HPSE2: variants seen among roughly 807,000 people sequenced by gnomAD.
The protein encoded by HPSE2 is inactive heparanase-2.
HPSE2 carries 38 observed loss-of-function variants against 60.5 expected under a neutral mutation model. That is an observed-to-expected ratio of 0.63 (90% CI 0.48 to 0.82). The LOEUF is 0.82. Among genes scored for constraint, HPSE2 ranks in the 40% least tolerant of loss-of-function variants. HPSE2 has a pLI of 0.00. For synonymous variants in HPSE2, 295 were observed against 293.2 expected, an observed-to-expected ratio of 1.01 and a Z score of -0.06; for missense variants, 713 against 740.4, an observed-to-expected ratio of 0.96 and a Z score of 0.43.
Position 99,084,429 on chromosome 10 carries a change from G to A in HPSE2, c.610+59809C>T, listed in dbSNP as rs149882696. 4.7e-4 allele frequency among the ~76,000 whole-genome samples: 72 copies of A among 152,222 alleles called. 1 individual carries two copies. Among genetic ancestry groups the A allele is most frequent in the Middle Eastern group, 3.4e-3 (1 of 294 alleles). On this transcript the variant is annotated intron_variant, in intron 3 of 11. Coordinates refer to ENST00000370552, the MANE Select transcript of HPSE2 (RefSeq NM_021828.5). ...CCCTTTCACTGACAAATCACAAGGT[G>A]CACATTTGTTCCCAGGTAGGTCAAA...
At chr10:98,778,736 G>A (rs1281505287) in intron 3 of HPSE2, among the ~76,000 whole-genome samples, 1 of 152,140 alleles carries the variant, frequency 6.6e-6, no homozygotes, top group Non-Finnish European at 1.5e-5. Flanking sequence ...TCCTCAATGA[G>A]CCTCAGTTTG....
intron 9 of HPSE2, among the ~76,000 whole-genome samples, chr10:98,510,696 T>C (rs1239493640): frequency 2.0e-5 from 3 of 152,230 alleles, no homozygotes; most frequent in Non-Finnish European, 2.9e-5. Flanking sequence ...TAGCTAGTCC[T>C]TTCATTCTAC....
intron 9 of HPSE2, among the ~76,000 whole-genome samples, chr10:98,511,504 A>G (rs970682627): frequency 1.3e-5 from 2 of 151,808 alleles, no homozygotes; most frequent in African/African-American, 2.4e-5. Flanking sequence ...TCATGAAAAT[A>G]TTCCACTATG....
Position 98,525,888 on chromosome 10 carries a change from T to C in HPSE2, c.1321-35692A>G, listed in dbSNP as rs529471103. 1.1e-4 allele frequency among the ~76,000 whole-genome samples: 16 copies of C among 152,354 alleles called. No individual in the cohort carries two copies. In the South Asian group the frequency reaches 1.2e-3, roughly 12 times the overall value. On this transcript the variant is annotated intron_variant, in intron 9 of 11. Coordinates refer to ENST00000370552, the MANE Select transcript of HPSE2 (RefSeq NM_021828.5). ...ACCATGAATAATATTTGAACTTCAA[T>C]TTTTTGATGTAACACTCCAGTAACA...
chr10:99,197,233 G>T (rs139257480), intron 2 of HPSE2, among the ~76,000 whole-genome samples: 231 of 152,260 alleles, frequency 1.5e-3, no homozygotes, highest in African/African-American at 5.3e-3. Context: ...AAGGGTCATG[G>T]GGGGTTGGCA....
intron 5 of HPSE2, among the ~76,000 whole-genome samples, chr10:98,717,056 T>C (rs1948808817): frequency 6.6e-6 from 1 of 152,118 alleles, no homozygotes; most frequent in African/African-American, 2.4e-5. Context: ...GCATCTTCTG[T>C]AGAGCACTGG....
intron 3 of HPSE2, among the ~76,000 whole-genome samples, chr10:98,901,803 T>C (rs1170301565): frequency 6.6e-6 from 1 of 152,206 alleles, no homozygotes; most frequent in Non-Finnish European, 1.5e-5. Context: ...TGTAGGCCTA[T>C]GTTTCCTCAG....
chr10:98,797,865 AC>A (rs1950816219), intron 3 of HPSE2, among the ~76,000 whole-genome samples: 2 of 152,072 alleles, frequency 1.3e-5, no homozygotes, highest in South Asian at 4.1e-4. Context: ...AAACAAAAAA[AC>A]AAAAAAACAA....
At chr10:98,791,662 C>T (rs980354252) in intron 3 of HPSE2, among the ~76,000 whole-genome samples, 3 of 152,192 alleles carry the variant, frequency 2.0e-5, no homozygotes, top group African/African-American at 7.2e-5. Flanking sequence ...AACTGAACAA[C>T]TCCTTTAGTC....
intron 9 of HPSE2, among the ~76,000 whole-genome samples, chr10:98,572,649 A>C (rs1477000659): frequency 6.6e-6 from 1 of 152,246 alleles, no homozygotes; most frequent in African/African-American, 2.4e-5. Context: ...GCAATCCATA[A>C]GCAGCCTTCA....
At chr10:98,462,743 C>T (rs149304061) in intron 11 of HPSE2, among the ~76,000 whole-genome samples, 70 of 152,266 alleles carry the variant, frequency 4.6e-4, no homozygotes, top group Admixed American at 8.5e-4. Flanking sequence ...TCCCTGGACT[C>T]TTCTGTCCCC....
chr10:98,636,039 T>A (rs1292210640), intron 7 of HPSE2, among the ~76,000 whole-genome samples: 1 of 150,838 alleles, frequency 6.6e-6, no homozygotes, highest in Non-Finnish European at 1.5e-5. Context: ...GGGTGGGGAG[T>A]GGAGATAGAA....
At chr10:98,582,570 G>T (rs1944830243) in intron 9 of HPSE2, among the ~76,000 whole-genome samples, 1 of 152,140 alleles carries the variant, frequency 6.6e-6, no homozygotes, top group South Asian at 2.1e-4. Flanking sequence ...AGCTCCATCT[G>T]TGTCTCGTCT....
chr10:98,609,632 C>T (rs1425669383), intron 9 of HPSE2, among the ~76,000 whole-genome samples: 3 of 152,042 alleles, frequency 2.0e-5, no homozygotes, highest in Admixed American at 6.6e-5. Context: ...TATTTTTATA[C>T]CTAATTTGCT....
chr10:98,956,087 C>A (rs1955503634), intron 3 of HPSE2, among the ~76,000 whole-genome samples: 1 of 152,074 alleles, frequency 6.6e-6, no homozygotes, highest in Admixed American at 6.6e-5. Context: ...GAACATCCTG[C>A]ACATGTATCC....
intron 9 of HPSE2, among the ~76,000 whole-genome samples, chr10:98,581,715 A>G (rs1944803592): frequency 6.6e-6 from 1 of 152,154 alleles, no homozygotes; most frequent in African/African-American, 2.4e-5. Context: ...AAACGAAATA[A>G]AAGTCAGTCT....
chr10:99,175,361 A>G (rs1847484196), intron 2 of HPSE2, among the ~76,000 whole-genome samples: 1 of 152,198 alleles, frequency 6.6e-6, no homozygotes, highest in Non-Finnish European at 1.5e-5. Context: ...CAGCAAGCTA[A>G]GATCCACTGG....
the HPSE2 span, among the ~76,000 whole-genome samples, chr10:99,309,918 G>A: frequency 1.6e-4 from 24 of 152,196 alleles, no homozygotes; most frequent in Admixed American, 6.5e-4. Flanking sequence ...AGCCTTAGTG[G>A]CTTAAAACAA....
chr10:98,605,929 T>C (rs1455890361), intron 9 of HPSE2, among the ~76,000 whole-genome samples: 1 of 152,226 alleles, frequency 6.6e-6, no homozygotes, highest in East Asian at 1.9e-4. Flanking sequence ...CCAGCCTCTC[T>C]AATGGCTGCC....
Sources: allele counts gnomAD v4.1 joint callset (sites outside exome capture counted in the v4.1 genomes callset), GRCh38; gene constraint gnomAD v4.1.1; transcripts MANE v1.5; gene names NCBI Gene and HGNC (gene_info 2026-07-23, HGNC 2026-07-21).